The following PODNL1 variants were observed in gnomAD, a reference collection of about 807,000 sequenced individuals.
PODNL1 encodes podocan-like protein 1.
In PODNL1, 50 loss-of-function variants were observed where a neutral mutation model predicts 45.1. That is an observed-to-expected ratio of 1.11 (90% CI 0.88 to 1.40). The LOEUF (loss-of-function observed/expected upper bound fraction) is 1.40, where lower values mean the gene tolerates loss of function less well. Ranked by LOEUF, PODNL1 falls within the 40% of genes most tolerant of loss-of-function variation. The pLI, the probability that PODNL1 is intolerant of heterozygous loss-of-function variation, is 0.00. For synonymous variants in PODNL1, 406 were observed against 372.5 expected (o/e 1.09, Z -1.04); for missense variants, 788 against 793.3 (o/e 0.99, Z 0.08).
intron 5 of PODNL1, among the ~76,000 whole-genome samples, chr19:13,934,948 A>C (rs1443881554): frequency 6.7e-6 from 1 of 150,264 alleles, no homozygotes; most frequent in African/African-American, 2.5e-5. Flanking sequence ...CATTGTGTAC[A>C]TATGTGCATG....
chr19:13,948,512 G>A (rs1462127722), intron 1 of PODNL1, among the ~76,000 whole-genome samples: 1 of 150,076 alleles, frequency 6.7e-6, no homozygotes, highest in Non-Finnish European at 1.5e-5. Context: ...ATGCCCGGCC[G>A]TATTCTCCAT....
At chr19:13,946,748 C>T (rs1305906189) in intron 1 of PODNL1, among the ~76,000 whole-genome samples, 4 of 151,952 alleles carry the variant, frequency 2.6e-5, no homozygotes, top group Admixed American at 1.3e-4. Context: ...AAGTGACGAA[C>T]GATCAGAAAT....
chr19:13,933,052 GGGCGCT>G lies in PODNL1; in HGVS notation c.1165_1170del (p.Ser389_Ala390del), dbSNP rs754406981. ...CGGCGGAAGGCCCGGTGGTGCACAC[GGGCGCT>G]GGCCAGGCGGTTATAGGCCAGGTTA... On this transcript the variant is annotated inframe_deletion, in exon 8 of 10. Transcript: ENST00000588872. The surrounding 1 kb of genome is among the most constrained non-coding windows in gnomAD (Gnocchi z 5.2). 6.5e-7 allele frequency: 1 copy of G among 1,536,404 alleles called. No individual in the cohort carries two copies. Among genetic ancestry groups the G allele is most frequent in the South Asian group, 1.2e-5 (1 of 84,072 alleles).
intron 3 of PODNL1, 56 bp downstream of exon 3, chr19:13,936,311 T>G: frequency 1.3e-6 from 2 of 1,496,256 alleles, no homozygotes; most frequent in Non-Finnish European, 1.9e-6. Context: ...GGATGGCAGC[T>G]GAGACCTCGG....
chr19:13,938,046 G>C (rs562796587), intron 1 of PODNL1, 40 bp from the exon 2 acceptor site: 4 of 1,455,532 alleles, frequency 2.7e-6, no homozygotes, highest in Non-Finnish European at 3.7e-6. Context: ...CAGGCTGGGC[G>C]CAGGGTCGCC....
At chr19:13,947,171 A>G (rs1319669506) in intron 1 of PODNL1, among the ~76,000 whole-genome samples, 10 of 73,110 alleles carry the variant, frequency 1.4e-4, no homozygotes, top group African/African-American at 2.9e-4. Context: ...TCCATCTCAG[A>G]AAAAAAAAAA....
chr19:13,953,294 G>A, exon 1 of PODNL1: 1 of 662,494 alleles, frequency 1.5e-6, no homozygotes, highest in Non-Finnish European at 2.5e-6. Context: ...GGGCAGAAAT[G>A]TGGATCTCTT....
intron 1 of PODNL1, among the ~76,000 whole-genome samples, chr19:13,945,152 T>C (rs1324691189): frequency 2.0e-5 from 3 of 152,054 alleles, no homozygotes; most frequent in Non-Finnish European, 4.4e-5. Context: ...GCTCAAGCAA[T>C]ACTCCTGAAT....
intron 5 of PODNL1, among the ~76,000 whole-genome samples, chr19:13,934,678 T>C (rs1972210986): frequency 6.6e-6 from 1 of 151,354 alleles, no homozygotes; most frequent in South Asian, 2.1e-4. Context: ...AATGAGTGCA[T>C]ATGTGGAGTG....
rs139578624 is a variant in PODNL1 at position 13,944,364 on chromosome 19, C to T, written c.19-6358G>A. Among the ~76,000 whole-genome samples, 1,320 of 151,458 alleles carry T rather than the reference C, an allele frequency of 8.7e-3. 18 individuals carry two copies. Among genetic ancestry groups the T allele is most frequent in the African/African-American group, 0.031 (1,262 of 41,238 alleles). ...ATTTTTAGTAGAGACAGGGTTTCAC[C>T]GTGTTAGCCAGGATGGTCTTGATCT... On this transcript the variant is annotated intron_variant, in intron 1 of 7. Coordinates refer to the PODNL1 transcript ENST00000538371.
chr19:13,945,919 G>A (rs1056504211), intron 1 of PODNL1, among the ~76,000 whole-genome samples: 13 of 151,764 alleles, frequency 8.6e-5, no homozygotes, highest in African/African-American at 3.1e-4. Flanking sequence ...TAATTAGCTG[G>A]GCACAGTGGT....
rs542425574 is a variant in PODNL1, at chr19:13,936,188, C to A, written c.320-144G>T. 334 of 943,244 alleles carry A rather than the reference C, an allele frequency of 3.5e-4. 4 individuals carry two copies. In the South Asian group the frequency reaches 4.8e-3, roughly 14 times the overall value. The allele number at this position is 943,244 out of a possible 1,614,324, so 58.4% of individuals were successfully genotyped here. A position where few individuals can be genotyped will look rare whatever the true frequency, so the allele number is the denominator to read the frequency against. On this transcript the variant is annotated intron_variant, in intron 3 of 9. Coordinates refer to ENST00000588872, the MANE Select transcript of PODNL1 (RefSeq NM_001370095.3). ...TCAGATCCCCTCCTCCCCATCCCTA[C>A]TCAAAAGCCACAGCCCCCAACCCCC... is the stretch of plus-strand genomic sequence containing the variant.
intron 8 of PODNL1, 76 bp downstream of exon 8, chr19:13,932,722 T>C: frequency 1.2e-6 from 2 of 1,608,774 alleles, no homozygotes; most frequent in Admixed American, 1.7e-5. Flanking sequence ...CTAACTAGAA[T>C]GTTTGGGACG....
chr19:13,953,071 C>T, intron 1 of PODNL1: 1 of 1,549,784 alleles, frequency 6.5e-7, no homozygotes, highest in Non-Finnish European at 8.7e-7. Context: ...CCTGATGTTC[C>T]TCTCCCTGCC....
upstream of PODNL1, among the ~76,000 whole-genome samples, chr19:13,940,640 T>C (rs912206017): frequency 6.6e-6 from 1 of 150,902 alleles, no homozygotes; most frequent in African/African-American, 2.4e-5. Flanking sequence ...CCCAGCACTT[T>C]GGGAGGCCGA....
In PODNL1 at chr19:13,937,806, G is replaced by A. The variant is rs745517943; in HGVS notation, c.204C>T (p.Ala68=). ...CCACCTGCAGGGAGAGGTGCTGAGC[G>A]GCTCTGGTGATGTTGTCCGGGAACA... is the stretch of plus-strand genomic sequence containing the variant. ...LRVFPDNITR[A]AQHLSLQNNQ... Residue 68 remains alanine, a synonymous_variant, in exon 2 of 10, where the codon GCC becomes GCT. Transcript: ENST00000588872. 8.2e-6 allele frequency: 13 copies of A among 1,590,156 alleles called. No individual in the cohort carries two copies. Among genetic ancestry groups the A allele is most frequent in the East Asian group, 6.8e-5 (3 of 44,052 alleles).
At chr19:13,951,344 T>A (rs1973017640) in intron 1 of PODNL1, among the ~76,000 whole-genome samples, 1 of 151,726 alleles carries the variant, frequency 6.6e-6, no homozygotes, top group Admixed American at 6.6e-5. Flanking sequence ...TTCAGAGGAT[T>A]AAATGGGCTG....
At position 13,938,170 on chromosome 19, in the gene PODNL1, C is replaced by G; in HGVS notation, c.3+9G>C. 6.2e-7 allele frequency: 1 copy of G among 1,604,998 alleles called. No homozygotes were observed. ...CCCCACCCTCAGACCCTCCCGTGCC[C>G]CACCTTACCATGGCCAGCCCTGACT... is the stretch of plus-strand genomic sequence containing the variant. On this transcript the variant is annotated intron_variant, in intron 1 of 9. Coordinates refer to ENST00000588872, the MANE Select transcript of PODNL1 (RefSeq NM_001370095.3).
intron 2 of PODNL1, 150 bp downstream of exon 2, chr19:13,937,635 G>T: frequency 1.4e-6 from 1 of 709,562 alleles, no homozygotes; most frequent in Non-Finnish European, 2.3e-6. Context: ...ATCTGCCAAG[G>T]CAAAGCTCCA....
Sources: gnomAD v4.1 joint callset for allele counts (sites outside exome capture counted in the v4.1 genomes callset) on GRCh38, gnomAD v4.1.1 for gene constraint, Gnocchi (gnomAD v3.1) non-coding constraint, MANE v1.5 for transcripts, NCBI Gene and HGNC (gene_info 2026-07-23, HGNC 2026-07-21) for gene names.